Variants in ARFIP1 observed in about 807,000 individuals in gnomAD.
ARFIP1 encodes arfaptin-1.
A neutral mutation model predicts 42.5 loss-of-function variants in ARFIP1; 24 were observed. The observed-to-expected ratio is 0.57, with a 90% CI of 0.41 to 0.80. The LOEUF (loss-of-function observed/expected upper bound fraction) is 0.80. Ranked by LOEUF, ARFIP1 falls within the 30% of genes least tolerant of loss-of-function variation. ARFIP1 has a pLI of 0.00. For synonymous variants in ARFIP1, 141 were observed against 153.7 expected (o/e 0.92, Z 0.61); for missense variants, 354 against 434.0 (o/e 0.82, Z 1.64).
intron 2 of ARFIP1, among the ~76,000 whole-genome samples, chr4:152,850,254 T>C (rs973603161): frequency 6.6e-6 from 1 of 152,196 alleles, no homozygotes; most frequent in Non-Finnish European, 1.5e-5. Flanking sequence ...CGGTGAAAAC[T>C]TTCAGCCTAG....
At chr4:152,787,423 A>C (rs993373416) in intron 1 of ARFIP1, among the ~76,000 whole-genome samples, 1 of 152,240 alleles carries the variant, frequency 6.6e-6, no homozygotes, top group African/African-American at 2.4e-5. Context: ...AGTTTCTCCA[A>C]GAGAAAAAAG....
rs139595492 is a variant in ARFIP1 at position 152,825,082 on chromosome 4, A to G, written c.-9-4543A>G. 5.6e-4 allele frequency among the ~76,000 whole-genome samples: 86 copies of G among 152,308 alleles called. 2 individuals are homozygous for G. The East Asian group carries it at 0.015, about 26-fold the overall frequency. ...ACTGCTGAAAGAAATAATAGATGAC[A>G]CAAACGAATGAAAATACATTCCATA... On this transcript the variant is annotated intron_variant, in intron 1 of 8. Coordinates refer to ENST00000353617, the MANE Select transcript of ARFIP1 (RefSeq NM_001025595.3).
At chr4:152,854,917 G>A (rs918334422) in intron 2 of ARFIP1, among the ~76,000 whole-genome samples, 17 of 152,214 alleles carry the variant, frequency 1.1e-4, no homozygotes, top group African/African-American at 3.9e-4. Context: ...GGGTCCAGGC[G>A]AGTGGATTTT....
rs72723697 is a variant in ARFIP1 at position 152,885,611 on chromosome 4, A to G, written c.792-2522A>G. On this transcript the variant is annotated intron_variant, in intron 7 of 8. Transcript: ENST00000353617. ...AGCACTGTTAGAGAAGCTATTATGG[A>G]AAGTTTTACTTTGGTACCACCTACA... Among the ~76,000 whole-genome samples the G allele has an allele frequency of 2.8e-3, 426 of 152,092 alleles. 3 individuals are homozygous for G. The highest frequency in any genetic ancestry group is 4.7e-3 in the Non-Finnish European group (318 of 67,916).
At chr4:152,876,433 T>C (rs1735338465) in intron 5 of ARFIP1, among the ~76,000 whole-genome samples, 1 of 152,188 alleles carries the variant, frequency 6.6e-6, no homozygotes, top group Non-Finnish European at 1.5e-5. Context: ...CTGAGAGAGA[T>C]GATTTAGGGT....
In ARFIP1 at chr4:152,852,356, C is replaced by T. The variant is rs1366967143; in HGVS notation, c.94-11250C>T. 2.6e-5 allele frequency among the ~76,000 whole-genome samples: 4 copies of T among 152,086 alleles called. No homozygotes were observed. In the East Asian group the frequency reaches 7.7e-4, roughly 29 times the overall value. On this transcript the variant is annotated intron_variant, in intron 2 of 8. Transcript: ENST00000353617. ...TTAAAAAATTTAAGGGTTGGCCAGG[C>T]GCGGTGGCTCATGCCCGTAATCCTA...
intron 1 of ARFIP1, among the ~76,000 whole-genome samples, chr4:152,788,248 T>C (rs769580844): frequency 1.3e-5 from 2 of 152,136 alleles, no homozygotes; most frequent in Non-Finnish European, 2.9e-5. Context: ...AAATGTGTTA[T>C]TAGTAGCTAT....
intron 1 of ARFIP1, among the ~76,000 whole-genome samples, chr4:152,827,446 G>T (rs1730925966): frequency 6.6e-6 from 1 of 151,974 alleles, no homozygotes; most frequent in Admixed American, 6.6e-5. Flanking sequence ...TTACCTTAGG[G>T]TTCATTCTTG....
intron 8 of ARFIP1, among the ~76,000 whole-genome samples, chr4:152,889,048 C>T (rs1456585816): frequency 6.6e-6 from 1 of 152,090 alleles, no homozygotes; most frequent in African/African-American, 2.4e-5. Context: ...CACCATTGCA[C>T]GTTGGTAGTT....
intron 1 of ARFIP1, among the ~76,000 whole-genome samples, chr4:152,795,823 T>TTTTTTTTTTTTTTTTTTTG: frequency 2.3e-5 from 1 of 43,116 alleles, no homozygotes; most frequent in African/African-American, 8.9e-5. Flanking sequence ...CCTTGTAATT[T>TTTTTTTTTTTTTTTTTTTG]TTTTTTTTTT....
Position 152,821,345 on chromosome 4 carries a change from A to G in ARFIP1, c.-9-8280A>G, listed in dbSNP as rs72966444. Among the ~76,000 whole-genome samples, 1,446 of 152,318 alleles carry G rather than the reference A, an allele frequency of 9.5e-3. 17 individuals are homozygous for G. The highest frequency in any genetic ancestry group is 0.031 in the African/African-American group (1,302 of 41,588). The stretch of plus-strand genomic sequence containing the variant: ...AAAGACATATTTAGGGAACTACAAC[A>G]TGCAGTGGCAAGCTTTAACAATAGA... On this transcript the variant is annotated intron_variant, in intron 1 of 8. Transcript: ENST00000353617.
At chr4:152,870,122 A>C (rs1199410204) in intron 3 of ARFIP1, among the ~76,000 whole-genome samples, 1 of 152,224 alleles carries the variant, frequency 6.6e-6, no homozygotes, top group South Asian at 2.1e-4. Flanking sequence ...GTTTGGGTTC[A>C]GTAGGTCTGG....
chr4:152,827,140 G>A (rs533900536), intron 1 of ARFIP1, among the ~76,000 whole-genome samples: 1 of 152,252 alleles, frequency 6.6e-6, no homozygotes, highest in East Asian at 1.9e-4. Context: ...ATACACATAG[G>A]TTAAGATGGT....
At chr4:152,811,721 G>A (rs1331826605) in intron 1 of ARFIP1, among the ~76,000 whole-genome samples, 1 of 152,124 alleles carries the variant, frequency 6.6e-6, no homozygotes, top group Admixed American at 6.5e-5. Context: ...ATGTCCCAAA[G>A]CATTTTGTAT....
chr4:152,843,249 C>T (rs1382061455), intron 2 of ARFIP1, among the ~76,000 whole-genome samples: 1 of 152,164 alleles, frequency 6.6e-6, no homozygotes, highest in Non-Finnish European at 1.5e-5. Flanking sequence ...GGGTTATCTG[C>T]ACAGAGTCCT....
chr4:152,852,421 A>G (rs1338444807), intron 2 of ARFIP1, among the ~76,000 whole-genome samples: 1 of 152,106 alleles, frequency 6.6e-6, no homozygotes, highest in Non-Finnish European at 1.5e-5. Context: ...GTCAGAGCTC[A>G]GGAGTTCGAG....
intron 3 of ARFIP1, 93 bp downstream of exon 3, chr4:152,863,807 C>A (rs989297970): frequency 1.4e-6 from 1 of 717,862 alleles, no homozygotes; most frequent in Non-Finnish European, 2.4e-6. Flanking sequence ...AAGAATGGAG[C>A]CCTTTCATTC....
intron 8 of ARFIP1, among the ~76,000 whole-genome samples, chr4:152,902,521 G>GA (rs1737930472): frequency 6.6e-6 from 1 of 152,064 alleles, no homozygotes; most frequent in Non-Finnish European, 1.5e-5. Context: ...GGTGGGCGGG[G>GA]GGAGACTAAA....
At chr4:152,893,413 T>G (rs1055012935) in intron 8 of ARFIP1, among the ~76,000 whole-genome samples, 2 of 152,138 alleles carry the variant, frequency 1.3e-5, no homozygotes, top group African/African-American at 4.8e-5. Flanking sequence ...AACTCATGTT[T>G]TTTTTTTAGA....
Sources: gnomAD v4.1 joint callset for allele counts (sites outside exome capture counted in the v4.1 genomes callset) on GRCh38, gnomAD v4.1.1 for gene constraint, MANE v1.5 for transcripts, NCBI Gene and HGNC (gene_info 2026-07-23, HGNC 2026-07-21) for gene names.